Variants in TBXAS1 observed in about 807,000 individuals in gnomAD.
TBXAS1 encodes thromboxane-A synthase.
Under a neutral mutation model 60.7 loss-of-function variants are expected in TBXAS1, and 48 were observed. That is an observed-to-expected ratio of 0.79 (90% confidence interval 0.63 to 1.01). The LOEUF is 1.01. Among genes scored for constraint, TBXAS1 ranks in the 50% least tolerant of loss-of-function variants. TBXAS1 has a pLI of 0.00. For missense variants in TBXAS1, 685 were observed against 686.3 expected (o/e 1.00, Z 0.02); for synonymous variants, 287 against 269.7 (o/e 1.06, Z -0.63).
rs1410894885 is a variant in TBXAS1, at chr7:140,013,672, G to A, written c.1227-2051G>A. On this transcript the variant is annotated intron_variant, in intron 10 of 12. Transcript: ENST00000448866. This position sits in a 1 kb window ranked among gnomAD's most constrained non-coding sequence, Gnocchi z 4.2. ...AGGTGGTTCAGATTGTTCACAAGCT[G>A]CAGTGGCTCCAGCAGTCAGATTGGG... Among the ~76,000 whole-genome samples, 3 of 152,232 alleles carry A rather than the reference G, an allele frequency of 2.0e-5. No individual in the cohort carries two copies. Among genetic ancestry groups the A allele is most frequent in the Non-Finnish European group, 4.4e-5 (3 of 68,040 alleles).
intron 4 of TBXAS1, among the ~76,000 whole-genome samples, chr7:139,809,198 T>TA (rs1247810637): frequency 4.3e-5 from 6 of 140,420 alleles, no homozygotes; most frequent in African/African-American, 1.7e-4. Context: ...AGGAGATAGA[T>TA]GATAGATAGA....
At chr7:139,796,239 GC>G (rs1797567714) in intron 4 of TBXAS1, among the ~76,000 whole-genome samples, 1 of 152,166 alleles carries the variant, frequency 6.6e-6, no homozygotes, top group South Asian at 2.1e-4. Context: ...AGAGCACATA[GC>G]GGTATTTAAT....
intron 9 of TBXAS1, among the ~76,000 whole-genome samples, chr7:139,992,383 C>T (rs919671197): frequency 6.6e-5 from 10 of 152,210 alleles, no homozygotes; most frequent in Non-Finnish European, 1.3e-4. Flanking sequence ...CTCATGTATC[C>T]TAATCCACCC....
intron 9 of TBXAS1, among the ~76,000 whole-genome samples, chr7:139,974,818 C>A: frequency 6.6e-6 from 1 of 152,184 alleles, no homozygotes; most frequent in Non-Finnish European, 1.5e-5. Context: ...TGTTTCTGTG[C>A]CAGATCCTAA....
intron 4 of TBXAS1, among the ~76,000 whole-genome samples, chr7:139,789,814 A>G (rs1797323139): frequency 6.6e-6 from 1 of 151,912 alleles, no homozygotes; most frequent in African/African-American, 2.4e-5. Flanking sequence ...CATTTTTACT[A>G]GGGATGCGGT....
At position 139,903,337 on chromosome 7, in the gene TBXAS1, C is replaced by A. The variant is rs148160655; in HGVS notation, c.237-7888C>A. ...ATATATACCACAGTTTCTTTATCCA[C>A]TCATTGACTGATGGACATTTGGGTT... On this transcript the variant is annotated intron_variant, in intron 3 of 12. Transcript: ENST00000448866. Among the ~76,000 whole-genome samples the A allele has an allele frequency of 1.1e-3, 166 of 152,204 alleles. 3 individuals carry two copies. The highest frequency in any genetic ancestry group is 3.8e-3 in the African/African-American group (157 of 41,460).
At chr7:139,869,470 C>A (rs1351902263) in intron 1 of TBXAS1, among the ~76,000 whole-genome samples, 4 of 152,210 alleles carry the variant, frequency 2.6e-5, no homozygotes, top group Non-Finnish European at 4.4e-5. Context: ...TCACTGCAAC[C>A]TCCTCCTCCC....
intron 5 of TBXAS1, among the ~76,000 whole-genome samples, chr7:139,947,514 T>C (rs891659065): frequency 6.6e-6 from 1 of 152,230 alleles, no homozygotes; most frequent in Non-Finnish European, 1.5e-5. Context: ...TATTTACCTA[T>C]GTAACAAACC....
chr7:139,780,003 A>T (rs1796933231), intron 1 of TBXAS1, among the ~76,000 whole-genome samples: 1 of 152,096 alleles, frequency 6.6e-6, no homozygotes. Flanking sequence ...CCTCCACAAA[A>T]CAGCCCGAGA....
At chr7:139,882,749 G>A (rs936683509) in intron 3 of TBXAS1, among the ~76,000 whole-genome samples, 1 of 152,202 alleles carries the variant, frequency 6.6e-6, no homozygotes, top group African/African-American at 2.4e-5. Context: ...CCCCTAGCTT[G>A]GTGAAAGCTG....
At chr7:139,950,110 T>C (rs1471774172) in intron 5 of TBXAS1, among the ~76,000 whole-genome samples, 1 of 141,114 alleles carries the variant, frequency 7.1e-6, no homozygotes, top group East Asian at 2.1e-4. Context: ...CTTGGCTCAC[T>C]GCAACCTCCA....
chr7:139,939,425 C>T (rs1404022119), intron 5 of TBXAS1, among the ~76,000 whole-genome samples: 1 of 149,634 alleles, frequency 6.7e-6, no homozygotes, highest in African/African-American at 2.5e-5. Flanking sequence ...TTCATAGAGC[C>T]CATTATTTAC....
intron 8 of TBXAS1, among the ~76,000 whole-genome samples, chr7:139,958,895 T>A (rs1346673271): frequency 6.6e-6 from 1 of 152,182 alleles, no homozygotes; most frequent in East Asian, 1.9e-4. Context: ...AACATTCTGA[T>A]CCAGGTTCAT....
intron 9 of TBXAS1, among the ~76,000 whole-genome samples, chr7:139,967,660 C>T (rs971206167): frequency 2.6e-5 from 4 of 152,166 alleles, no homozygotes; most frequent in African/African-American, 9.7e-5. Context: ...TGTGCCCCAT[C>T]CTTGGAGTTG....
rs1800292830 is a variant in TBXAS1, at chr7:139,852,599, G to C, written c.90-19636G>C. Among the ~76,000 whole-genome samples the C allele has an allele frequency of 6.6e-6, 1 of 152,220 alleles. No individual in the cohort carries two copies. The highest frequency in any genetic ancestry group is 2.4e-5 in the African/African-American group (1 of 41,448). The stretch of plus-strand genomic sequence containing the variant: ...TTGCTAAGAATTAGGTCAAGACAAA[G>C]ATCTGGGGGATTACAGGAACAAACA... On this transcript the variant is annotated intron_variant, in intron 1 of 12. Coordinates refer to ENST00000448866, the MANE Select transcript of TBXAS1 (RefSeq NM_001061.7). The surrounding 1 kb of genome is among the most constrained non-coding windows in gnomAD (Gnocchi z 4.4).
chr7:139,938,125 A>AG (rs1807952996), intron 5 of TBXAS1, among the ~76,000 whole-genome samples: 1 of 152,068 alleles, frequency 6.6e-6, no homozygotes, highest in Non-Finnish European at 1.5e-5. Context: ...GGACAATTGC[A>AG]GGGGGGTGGC....
chr7:139,978,543 G>T (rs758370787), intron 9 of TBXAS1, among the ~76,000 whole-genome samples: 1 of 151,702 alleles, frequency 6.6e-6, no homozygotes, highest in Non-Finnish European at 1.5e-5. Flanking sequence ...AAATAAAGAA[G>T]AATAATAAGA....
rs955775113 is a variant in TBXAS1, at chr7:139,975,362, G to T, written c.1134+13129G>T. Among the ~76,000 whole-genome samples, 1 of 152,164 alleles carries T rather than the reference G, an allele frequency of 6.6e-6. No individual in the cohort carries two copies. The highest frequency in any genetic ancestry group is 2.4e-5 in the African/African-American group (1 of 41,428). On this transcript the variant is annotated intron_variant, in intron 9 of 12. Transcript: ENST00000448866. The surrounding 1 kb of genome is among the most constrained non-coding windows in gnomAD (Gnocchi z 4.4). ...CTAGGACAGGGCCTAGGTCGGATTG[G>T]CACTCACGTTTCCCGACTCCTTAGT...
At chr7:139,871,284 T>A (rs945422747) in intron 1 of TBXAS1, among the ~76,000 whole-genome samples, 1 of 152,204 alleles carries the variant, frequency 6.6e-6, no homozygotes. Context: ...GAAAGCTAGA[T>A]TGTACTGATA....
Sources: allele counts gnomAD v4.1 joint callset (sites outside exome capture counted in the v4.1 genomes callset), GRCh38; gene constraint gnomAD v4.1.1; non-coding constraint Gnocchi (gnomAD v3.1); transcripts MANE v1.5; gene names NCBI Gene and HGNC (gene_info 2026-07-23, HGNC 2026-07-21).